Variants in UGT2A2 observed in about 807,000 individuals in gnomAD.
UGT2A2 encodes the protein UDP-glucuronosyltransferase 2A2.
Under a neutral mutation model 50.7 loss-of-function variants are expected in UGT2A2, and 60 were observed. That is an observed-to-expected ratio of 1.18 (90% CI 0.96 to 1.47). The LOEUF (loss-of-function observed/expected upper bound fraction) is 1.47, where lower values mean the gene tolerates loss of function less well. Ranked by LOEUF, UGT2A2 falls within the 40% of genes most tolerant of loss-of-function variation. The probability of loss-of-function intolerance (pLI) is 0.00; values close to 1 mark genes in which losing one functional copy is unlikely to be tolerated. For missense variants in UGT2A2, 762 were observed against 634.0 expected (o/e 1.20, Z -2.17); for synonymous variants, 242 against 214.6 (o/e 1.13, Z -1.11).
At chr4:69,613,275 C>T (rs796390320) in intron 1 of UGT2A2, among the ~76,000 whole-genome samples, 7 of 151,892 alleles carry the variant, frequency 4.6e-5, no homozygotes, top group African/African-American at 1.4e-4. Flanking sequence ...GCCCATAAGA[C>T]TGAAGTGTGA....
At position 69,639,441 on chromosome 4, in the gene UGT2A2, G is replaced by A; in HGVS notation, c.200C>T (p.Thr67Ile). 6.2e-7 allele frequency: 1 copy of A among 1,613,108 alleles called. No homozygotes were observed. Among genetic ancestry groups the A allele is most frequent in the Non-Finnish European group, 8.5e-7 (1 of 1,179,520 alleles). The change falls in exon 1 of 6, where the codon ACT (threonine) becomes ATT (isoleucine). Residue 67 changes from threonine (T) to isoleucine (I), a missense_variant. Thr to Ile is a moderately conservative substitution (Grantham distance 89). Transcript: ENST00000604629. ...HNVTVLASSA[T>I]LFINSNPDSP... ...ATCGGGATTGGAGTTGATGAATAGA[G>A]TTGCTGATGAAGCCAGTACAGTCAC...
Position 69,599,376 on chromosome 4 carries a change from C to T in UGT2A2, c.761G>A (p.Cys254Tyr). ...AATTTCAGCTTTCCCCATAGTCTCA[C>T]ATAACGTAGTGGGTCTTCCTGGAGA... Reference protein sequence around the residue: ...SKILGRPTTLCETMGKAEIWL... With the variant: ...SKILGRPTTLYETMGKAEIWL... The change falls in exon 2 of 6, where the codon TGT (cysteine) becomes TAT (tyrosine). Residue 254 changes from cysteine to tyrosine, a missense_variant. Physicochemically the swap from Cys to Tyr is radical, Grantham distance 194 (BLOSUM62 -2). Transcript: ENST00000604629. The T allele has an allele frequency of 3.7e-6, 6 of 1,613,550 alleles. No individual in the cohort carries two copies. Among genetic ancestry groups the T allele is most frequent in the South Asian group, 1.1e-5 (1 of 91,020 alleles).
intron 1 of UGT2A2, among the ~76,000 whole-genome samples, chr4:69,612,265 T>C (rs780722757): frequency 6.6e-6 from 1 of 152,030 alleles, no homozygotes; most frequent in Non-Finnish European, 1.5e-5. Context: ...CCATATACTA[T>C]CGTGAGTTGG....
rs905458911 is a variant in UGT2A2 at position 69,630,320 on chromosome 4, C to T, written c.742+8579G>A. Among the ~76,000 whole-genome samples the T allele has an allele frequency of 2.6e-5, 4 of 152,010 alleles. No homozygotes were observed. The South Asian group carries it at 8.3e-4, about 32-fold the overall frequency. ...AGGGTCTTTAAGCCATTTCCTTCTT[C>T]CCAGATGTGCCATGCAGCGTCTTTA... On this transcript the variant is annotated intron_variant, in intron 1 of 5. Transcript: ENST00000604629.
rs575108015 is a variant in UGT2A2 at position 69,618,788 on chromosome 4, G to C, written c.743-19394C>G. On this transcript the variant is annotated intron_variant, in intron 1 of 5. Coordinates refer to ENST00000604629, the MANE Select transcript of UGT2A2 (RefSeq NM_001105677.2). ...TACCTTTATTGGTTAAAAAATAGAA[G>C]TGAACTTTCTTAGACAGATGAAAAT... 7.4e-4 allele frequency among the ~76,000 whole-genome samples: 112 copies of C among 151,848 alleles called. 1 individual carries two copies. The highest frequency in any genetic ancestry group is 2.4e-3 in the African/African-American group (101 of 41,458).
intron 1 of UGT2A2, among the ~76,000 whole-genome samples, chr4:69,609,794 C>T (rs952153605): frequency 1.3e-5 from 2 of 152,134 alleles, no homozygotes; most frequent in Admixed American, 6.6e-5. Flanking sequence ...ATGTTCACTG[C>T]ATTCCACAAA....
Position 69,594,512 on chromosome 4 carries a change from C to G in UGT2A2, c.1296G>C (p.Leu432Phe), listed in dbSNP as rs1249036235. The G allele has an allele frequency of 1.2e-6, 2 of 1,614,006 alleles. No individual in the cohort carries two copies. The highest frequency in any genetic ancestry group is 1.1e-5 in the South Asian group (1 of 91,084). Residue 432 changes from leucine to phenylalanine, a missense_variant, in exon 5 of 6, where the codon TTG becomes TTC. Coordinates refer to ENST00000604629, the MANE Select transcript of UGT2A2 (RefSeq NM_001105677.2). Reference sequence around the variant, plus strand: ...TAATGACTGTTCTCAAAGCGCTAAGCAAATCCACACTTGTCATTGTGTTTA... The same window carrying G: ...TAATGACTGTTCTCAAAGCGCTAAGGAAATCCACACTTGTCATTGTGTTTA... ...VNLNTMTSVD[L>F]LSALRTVINE...
chr4:69,620,494 GA>G (rs1178633072), intron 1 of UGT2A2, among the ~76,000 whole-genome samples: 2 of 151,032 alleles, frequency 1.3e-5, no homozygotes, highest in Non-Finnish European at 3.0e-5. Context: ...ACAAACAAAT[GA>G]AAAAACATTT....
intron 1 of UGT2A2, among the ~76,000 whole-genome samples, chr4:69,608,508 C>T (rs1347126523): frequency 1.3e-5 from 2 of 151,184 alleles, no homozygotes; most frequent in Non-Finnish European, 2.9e-5. Flanking sequence ...CAACCTGGCA[C>T]ATGTATGTAA....
In UGT2A2 at chr4:69,589,360, C is replaced by CTTTTTCTTGACCTATTCTCTT; in HGVS notation, c.1602_*11dup. On this transcript the variant is annotated 3_prime_UTR_variant, in exon 6 of 6. Coordinates refer to ENST00000604629, the MANE Select transcript of UGT2A2 (RefSeq NM_001105677.2). ...AAACTTAAAAATATATATATTTCCT[C>CTTTTTCTTGACCTATTCTCTT]TTTTTCTTGACCTATTCTCTTTTTT... The CTTTTTCTTGACCTATTCTCTT allele has an allele frequency of 1.3e-6, 2 of 1,598,590 alleles. No individual in the cohort carries two copies. Among genetic ancestry groups the CTTTTTCTTGACCTATTCTCTT allele is most frequent in the Non-Finnish European group, 1.7e-6 (2 of 1,173,022 alleles).
intron 1 of UGT2A2, among the ~76,000 whole-genome samples, chr4:69,617,363 G>A (rs911164649): frequency 1.3e-5 from 2 of 151,568 alleles, no homozygotes; most frequent in Admixed American, 6.6e-5. Context: ...TTTTGTTGAC[G>A]GCGTAAAAAT....
chr4:69,597,676 T>G (rs1414097445), intron 2 of UGT2A2, among the ~76,000 whole-genome samples: 1 of 151,976 alleles, frequency 6.6e-6, no homozygotes, highest in East Asian at 1.9e-4. Context: ...GCTTTGCCAT[T>G]TTGATTTATT....
At chr4:69,635,323 A>G (rs1721612568) in intron 1 of UGT2A2, among the ~76,000 whole-genome samples, 1 of 152,124 alleles carries the variant, frequency 6.6e-6, no homozygotes, top group South Asian at 2.1e-4. Context: ...CCCGATCTAC[A>G]GTGCGCTGGG....
At chr4:69,618,332 C>T (rs1354551024) in intron 1 of UGT2A2, among the ~76,000 whole-genome samples, 1 of 139,560 alleles carries the variant, frequency 7.2e-6, no homozygotes, top group African/African-American at 2.6e-5. Flanking sequence ...TTAAGTCCAA[C>T]CAGTAACCCC....
chr4:69,593,967 C>A (rs937386565), intron 5 of UGT2A2, among the ~76,000 whole-genome samples: 3 of 107,880 alleles, frequency 2.8e-5, no homozygotes, highest in Non-Finnish European at 3.7e-5. Flanking sequence ...TATTTGAAGT[C>A]TTTTTTTTTG....
rs1310288986 is a variant in UGT2A2 at position 69,639,614 on chromosome 4, C to A, written c.27G>T (p.Met9Ile). The A allele has an allele frequency of 1.3e-6, 2 of 1,598,152 alleles. No homozygotes were observed. Among genetic ancestry groups the A allele is most frequent in the Non-Finnish European group, 1.7e-6 (2 of 1,174,124 alleles). MVSIRDFT[M>I]PKKFVQMLVF... ...CCAGCATCTGGACAAACTTCTTAGG[C>A]ATGGTAAAATCCCTTATGGAAACCA... Residue 9 changes from methionine (M) to isoleucine (I), a missense_variant, in exon 1 of 6, where the codon ATG (methionine) becomes ATT (isoleucine). By Grantham distance (10) the Met-to-Ile change is conservative. Coordinates refer to ENST00000604629, the MANE Select transcript of UGT2A2 (RefSeq NM_001105677.2).
intron 1 of UGT2A2, among the ~76,000 whole-genome samples, chr4:69,618,392 A>G (rs1720544047): frequency 6.6e-6 from 1 of 151,934 alleles, no homozygotes; most frequent in Non-Finnish European, 1.5e-5. Context: ...ACAGGTTGGC[A>G]AAAGGCTTTG....
intron 2 of UGT2A2, among the ~76,000 whole-genome samples, chr4:69,598,072 G>A (rs1379669688): frequency 6.6e-6 from 1 of 152,056 alleles, no homozygotes; most frequent in Non-Finnish European, 1.5e-5. Context: ...GTGACCTATG[G>A]ATACGTCATG....
intron 1 of UGT2A2, among the ~76,000 whole-genome samples, chr4:69,613,882 T>C (rs1720213799): frequency 6.6e-6 from 1 of 151,958 alleles, no homozygotes; most frequent in Non-Finnish European, 1.5e-5. Context: ...ATTGAATGAG[T>C]ACAAATTGAA....
Sources: gnomAD v4.1 joint callset for allele counts (sites outside exome capture counted in the v4.1 genomes callset) on GRCh38, gnomAD v4.1.1 for gene constraint, MANE v1.5 for transcripts, NCBI Gene and HGNC (gene_info 2026-07-23, HGNC 2026-07-21) for gene names.